The following CWC22 variants were observed in gnomAD, a reference collection of about 807,000 sequenced individuals.
The protein encoded by CWC22 is pre-mRNA-splicing factor CWC22 homolog.
CWC22 carries 53 observed loss-of-function variants against 117.2 expected under a neutral mutation model. The observed-to-expected ratio is 0.45, with a 90% CI of 0.36 to 0.57. The LOEUF is 0.57. Ranked by LOEUF, CWC22 falls within the 20% of genes least tolerant of loss-of-function variation. The pLI is 0.00. For synonymous variants in CWC22, 360 were observed against 355.6 expected (o/e 1.01, Z -0.14); for missense variants, 980 against 1,068.8 (o/e 0.92, Z 1.16).
chr2:179,970,709 T>C lies in CWC22; in HGVS notation c.1088A>G (p.Asp363Gly). The C allele has an allele frequency of 1.9e-6, 3 of 1,613,766 alleles. No individual in the cohort carries two copies. In the South Asian group the frequency reaches 3.3e-5, roughly 18 times the overall value. The change falls in exon 10 of 20, where the codon GAT becomes GGT. Residue 363 changes from aspartate (D) to glycine (G), a missense_variant. Coordinates refer to ENST00000410053, the MANE Select transcript of CWC22 (RefSeq NM_020943.3). ...AGGGAGCATATGAGTGAATTGATCA[T>C]CTTCTTCCACCAAATCAAGACCTTC... Reference protein sequence around the residue: ...ILEGLDLVEEDDQFTHMLPLE... With the variant: ...ILEGLDLVEEGDQFTHMLPLE...
chr2:179,945,758 T>G, intron 19 of CWC22, 43 bp from the exon 20 acceptor site: 1 of 1,195,294 alleles, frequency 8.4e-7, no homozygotes, highest in Non-Finnish European at 1.2e-6. Flanking sequence ...TATTTCAATC[T>G]TAATTTCATA....
chr2:179,964,506 T>C (rs779789878), intron 13 of CWC22, 41 bp downstream of exon 13: 2 of 1,153,806 alleles, frequency 1.7e-6, no homozygotes, highest in African/African-American at 1.5e-5. Flanking sequence ...CCATCCCTTA[T>C]CAAAAACAAA....
At chr2:179,997,255 C>T (rs1687729123) in intron 1 of CWC22, among the ~76,000 whole-genome samples, 1 of 150,224 alleles carries the variant, frequency 6.7e-6, no homozygotes, top group African/African-American at 2.5e-5. Flanking sequence ...TAAGGTGATA[C>T]AATATGGACT....
intron 7 of CWC22, 93 bp downstream of exon 7, chr2:179,973,541 G>A: frequency 1.3e-6 from 1 of 796,324 alleles, no homozygotes; most frequent in Non-Finnish European, 2.0e-6. Flanking sequence ...ATGTTATGTA[G>A]CTGTGTCAAA....
At chr2:179,999,250 G>A (rs946498285) in intron 1 of CWC22, among the ~76,000 whole-genome samples, 16 of 152,138 alleles carry the variant, frequency 1.1e-4, no homozygotes, top group Admixed American at 3.3e-4. Flanking sequence ...TTCCTGAAAT[G>A]AGAGCAATTT....
intron 5 of CWC22, among the ~76,000 whole-genome samples, chr2:179,980,570 A>T (rs1253710094): frequency 6.6e-6 from 1 of 151,804 alleles, no homozygotes; most frequent in Non-Finnish European, 1.5e-5. Context: ...GGCACCCACC[A>T]CCACGCCTGG....
chr2:179,989,237 A>C (rs1473294293), intron 2 of CWC22, among the ~76,000 whole-genome samples: 1 of 81,744 alleles, frequency 1.2e-5, no homozygotes, highest in African/African-American at 4.3e-5. Flanking sequence ...TCTATGTAAT[A>C]AGTTATAATA....
At chr2:179,967,118 A>C (rs1686910222) in intron 11 of CWC22, among the ~76,000 whole-genome samples, 1 of 152,236 alleles carries the variant, frequency 6.6e-6, no homozygotes, top group Admixed American at 6.5e-5. Context: ...GAAGACAGGC[A>C]TTCCTGCTGT....
At chr2:179,955,347 C>T (rs1294442717) in intron 14 of CWC22, among the ~76,000 whole-genome samples, 1 of 151,942 alleles carries the variant, frequency 6.6e-6, no homozygotes, top group East Asian at 1.9e-4. Context: ...ATTTAATACA[C>T]TGCATTCTTA....
intron 3 of CWC22, among the ~76,000 whole-genome samples, chr2:179,987,533 A>C (rs2105548300): frequency 6.6e-6 from 1 of 152,174 alleles, no homozygotes; most frequent in African/African-American, 2.4e-5. Flanking sequence ...GGAGTAGACA[A>C]TCGGTGAAAG....
intron 11 of CWC22, among the ~76,000 whole-genome samples, chr2:179,967,138 C>T (rs143114656): frequency 1.6e-4 from 25 of 152,262 alleles, no homozygotes; most frequent in Admixed American, 1.2e-3. Flanking sequence ...TTTTCCCAAA[C>T]GCTGTTAAGA....
In CWC22 at chr2:179,955,004, A is replaced by C; in HGVS notation, c.1489T>G (p.Cys497Gly). The C allele has an allele frequency of 6.2e-7, 1 of 1,601,906 alleles. No individual in the cohort carries two copies. The highest frequency in any genetic ancestry group is 8.5e-7 in the Non-Finnish European group (1 of 1,173,520). Residue 497 changes from cysteine to glycine, a missense_variant, in exon 15 of 20, where the codon TGT (cysteine) becomes GGT (glycine). Around this residue, in one of 3 missense-constraint regions of CWC22, gnomAD observed 559 missense variants for 602.3 expected, o/e 0.93. Transcript: ENST00000410053. ...TTTTCGTATGTCCTCTGTTGGGCAC[A>C]GCAATCAAGTATCATGTTGCAGAGT... Reference protein sequence around the residue: ...KELCNMILDCCAQQRTYEKFF... With the variant: ...KELCNMILDCGAQQRTYEKFF...
intron 1 of CWC22, among the ~76,000 whole-genome samples, chr2:179,999,723 T>C (rs951148159): frequency 2.6e-5 from 4 of 152,164 alleles, no homozygotes; most frequent in Non-Finnish European, 4.4e-5. Flanking sequence ...GAATCAATAG[T>C]GAGTTACCTT....
At chr2:179,970,139 T>C (rs1028858070) in intron 11 of CWC22, among the ~76,000 whole-genome samples, 2 of 152,162 alleles carry the variant, frequency 1.3e-5, no homozygotes, top group African/African-American at 4.8e-5. Context: ...TATAGCACTT[T>C]ACAATAAAGT....
In CWC22 at chr2:179,986,782, G is replaced by C. The variant is rs761538099; in HGVS notation, c.119C>G (p.Pro40Arg). The C allele has an allele frequency of 1.1e-5, 18 of 1,594,050 alleles. No individual in the cohort carries two copies. In the Admixed American group the frequency reaches 2.8e-4, roughly 25 times the overall value. The stretch of plus-strand genomic sequence containing the variant: ...GTAATCAAAGTAATCTCTATCCCGG[G>C]GGGATCGTTCTTGTTCTTCATATCT... ...EDRYEEQERS[P>R]RDRDYFDYSR... The change falls in exon 4 of 20, where the codon CCC becomes CGC. Residue 40 changes from proline (P) to arginine (R), a missense_variant. Physicochemically the swap from Pro to Arg is moderately radical, Grantham distance 103. Around this residue, in one of 3 missense-constraint regions of CWC22, gnomAD observed 559 missense variants for 602.3 expected, o/e 0.93. Coordinates refer to ENST00000410053, the MANE Select transcript of CWC22 (RefSeq NM_020943.3).
intron 6 of CWC22, among the ~76,000 whole-genome samples, chr2:179,974,715 T>A (rs1333868549): frequency 6.6e-6 from 1 of 152,128 alleles, no homozygotes; most frequent in African/African-American, 2.4e-5. Flanking sequence ...TTTCTCTACC[T>A]CTAAAACTTG....
intron 11 of CWC22, among the ~76,000 whole-genome samples, chr2:179,969,250 G>A (rs560161086): frequency 6.6e-6 from 1 of 152,128 alleles, no homozygotes; most frequent in Non-Finnish European, 1.5e-5. Context: ...AGGAAAAGAG[G>A]TTCATAAGAA....
Position 179,981,859 on chromosome 2 carries a change from T to C in CWC22, c.345A>G (p.Thr115=), listed in dbSNP as rs554732653. The C allele has an allele frequency of 2.5e-5, 40 of 1,613,628 alleles. No individual in the cohort carries two copies. In the South Asian group the frequency reaches 3.3e-4, roughly 13 times the overall value. ...GATCCAGCTCATCTTTCTTTTTCTT[T>C]GTAGCAGGTTCATCCTGAGCAGAGG... The part of the protein sequence containing the change: ...QSSSAQDEPA[T]KKKKDELDPL... The change falls in exon 5 of 20, where the codon ACA becomes ACG. Residue 115 remains threonine (T), a synonymous_variant. Coordinates refer to ENST00000410053, the MANE Select transcript of CWC22 (RefSeq NM_020943.3).
chr2:179,977,326 A>G (rs1303870760), intron 6 of CWC22, among the ~76,000 whole-genome samples: 1 of 152,214 alleles, frequency 6.6e-6, no homozygotes, highest in Non-Finnish European at 1.5e-5. Context: ...GGAAACAACT[A>G]AAGTGTCTGT....
Sources: gnomAD v4.1 joint callset for allele counts (sites outside exome capture counted in the v4.1 genomes callset) on GRCh38, gnomAD v4.1.1 for gene constraint, gnomAD v4.1.1 regional missense constraint, MANE v1.5 for transcripts, NCBI Gene and HGNC (gene_info 2026-07-23, HGNC 2026-07-21) for gene names.